The following GRID2 variants were observed in gnomAD, a reference collection of about 807,000 sequenced individuals.
GRID2 encodes glutamate receptor ionotropic, delta-2.
GRID2 carries 33 observed loss-of-function variants against 114.8 expected under a neutral mutation model. The observed-to-expected ratio is 0.29, with a 90% CI of 0.22 to 0.38. The LOEUF is 0.38. GRID2 is among the 10% of genes least tolerant of loss of function. GRID2 has a pLI of 1.00. For missense variants in GRID2, 1,184 were observed against 1,257.7 expected, an observed-to-expected ratio of 0.94 and a Z score of 0.89; for synonymous variants, 505 against 449.9, an observed-to-expected ratio of 1.12 and a Z score of -1.55.
chr4:92,383,006 C>A (rs980049515), intron 1 of GRID2, among the ~76,000 whole-genome samples: 1 of 151,942 alleles, frequency 6.6e-6, no homozygotes, highest in East Asian at 1.9e-4. Flanking sequence ...GAAACTTTTA[C>A]TCATGGAGGA....
intron 2 of GRID2, among the ~76,000 whole-genome samples, chr4:92,825,706 C>A (rs985508845): frequency 6.6e-6 from 1 of 152,098 alleles, no homozygotes; most frequent in Non-Finnish European, 1.5e-5. Context: ...CCGCCCCCAA[C>A]AGAAACCATG....
chr4:92,919,469 G>A (rs1204634690), intron 2 of GRID2, among the ~76,000 whole-genome samples: 1 of 152,106 alleles, frequency 6.6e-6, no homozygotes, highest in Non-Finnish European at 1.5e-5. Flanking sequence ...GATCTTTCCT[G>A]CTTTCTCTAG....
At position 92,966,526 on chromosome 4, in the gene GRID2, C is replaced by T. The variant is rs992471685; in HGVS notation, c.245-118469C>T. 5.9e-5 allele frequency among the ~76,000 whole-genome samples: 9 copies of T among 151,856 alleles called. No individual in the cohort carries two copies. In the South Asian group the frequency reaches 1.0e-3, roughly 17 times the overall value. ...TCACCTTGAATTGTAATAATCCCCA[C>T]GTGTCAAGGGCAGGGCCAGGTGGAA... On this transcript the variant is annotated intron_variant, in intron 2 of 15. Coordinates refer to ENST00000282020, the MANE Select transcript of GRID2 (RefSeq NM_001510.4).
At chr4:92,542,961 A>C (rs1430998399) in intron 1 of GRID2, among the ~76,000 whole-genome samples, 3 of 150,758 alleles carry the variant, frequency 2.0e-5, no homozygotes, top group Non-Finnish European at 4.4e-5. Context: ...TCAGCATTAT[A>C]GTTATATGTG....
At chr4:93,537,479 C>G (rs1732214115) in intron 13 of GRID2, among the ~76,000 whole-genome samples, 2 of 151,662 alleles carry the variant, frequency 1.3e-5, no homozygotes, top group African/African-American at 4.8e-5. Flanking sequence ...AAGAAAGGCA[C>G]AAATTAAGTT....
At chr4:92,343,864 G>C (rs1213349517) in intron 1 of GRID2, among the ~76,000 whole-genome samples, 1 of 152,176 alleles carries the variant, frequency 6.6e-6, no homozygotes, top group Admixed American at 6.5e-5. Flanking sequence ...GTGAGCCAGT[G>C]CTCCCAGCTA....
chr4:92,781,599 A>G (rs1739079789), intron 2 of GRID2, among the ~76,000 whole-genome samples: 2 of 152,040 alleles, frequency 1.3e-5, no homozygotes, highest in Admixed American at 6.6e-5. Flanking sequence ...TTAGTTTTCT[A>G]CCTTCATAAT....
chr4:92,799,387 A>G (rs1740044271), intron 2 of GRID2, among the ~76,000 whole-genome samples: 1 of 152,008 alleles, frequency 6.6e-6, no homozygotes, highest in African/African-American at 2.4e-5. Context: ...CAGGCCACAG[A>G]CTAATACCAG....
Position 93,740,215 on chromosome 4 carries a change from T to C in GRID2, c.2361-28995T>C, listed in dbSNP as rs547267808. Among the ~76,000 whole-genome samples the C allele has an allele frequency of 3.9e-5, 6 of 152,342 alleles. No individual in the cohort carries two copies. In the South Asian group the frequency reaches 1.2e-3, roughly 32 times the overall value. On this transcript the variant is annotated intron_variant, in intron 14 of 15. Transcript: ENST00000282020. The stretch of plus-strand genomic sequence containing the variant: ...CCTAGGAGCAATAGGCTACACTGTA[T>C]AGCCTATGTGTGTAGTAGTCTATAC...
chr4:92,550,821 A>G (rs901500949), intron 1 of GRID2, among the ~76,000 whole-genome samples: 4 of 152,216 alleles, frequency 2.6e-5, no homozygotes, highest in Admixed American at 1.3e-4. Flanking sequence ...TTAAGATAAT[A>G]TTAATGTGGA....
chr4:92,639,605 T>C (rs1731245080), intron 2 of GRID2, among the ~76,000 whole-genome samples: 1 of 151,684 alleles, frequency 6.6e-6, no homozygotes, highest in African/African-American at 2.4e-5. Flanking sequence ...CACATAGAGT[T>C]GTGATAACAA....
At chr4:92,465,130 T>C (rs1721686537) in intron 1 of GRID2, among the ~76,000 whole-genome samples, 1 of 152,048 alleles carries the variant, frequency 6.6e-6, no homozygotes, top group South Asian at 2.1e-4. Context: ...TCTTCATAAA[T>C]TACTCAGTTT....
chr4:92,464,370 A>G (rs1376653308), intron 1 of GRID2, among the ~76,000 whole-genome samples: 1 of 152,096 alleles, frequency 6.6e-6, no homozygotes, highest in Non-Finnish European at 1.5e-5. Flanking sequence ...CAGTTCAGTT[A>G]AAAGAAATAC....
chr4:92,353,954 G>T (rs994623404), intron 1 of GRID2, among the ~76,000 whole-genome samples: 1 of 151,884 alleles, frequency 6.6e-6, no homozygotes, highest in Non-Finnish European at 1.5e-5. Flanking sequence ...TTTGCCTCAG[G>T]CATCCGCAGA....
At chr4:93,737,616 T>G (rs1399230647) in intron 14 of GRID2, among the ~76,000 whole-genome samples, 3 of 152,098 alleles carry the variant, frequency 2.0e-5, no homozygotes, top group Admixed American at 6.6e-5. Context: ...AAACATTAAT[T>G]AAATATTTCA....
intron 1 of GRID2, among the ~76,000 whole-genome samples, chr4:92,534,486 G>A (rs80030961): frequency 0.024 from 3,636 of 152,222 alleles, 146 homozygotes; most frequent in African/African-American, 0.083. Flanking sequence ...GGGACAATTT[G>A]TGGTAGTCCT....
chr4:92,902,893 G>A (rs1348394908), intron 2 of GRID2, among the ~76,000 whole-genome samples: 2 of 151,826 alleles, frequency 1.3e-5, no homozygotes, highest in African/African-American at 4.8e-5. Context: ...ATTTTATTTA[G>A]TGGTTAACAC....
At chr4:92,798,418 A>C (rs938533160) in intron 2 of GRID2, among the ~76,000 whole-genome samples, 2 of 151,998 alleles carry the variant, frequency 1.3e-5, no homozygotes, top group Non-Finnish European at 2.9e-5. Flanking sequence ...TGTTGGTGTT[A>C]GTCAGTCAGG....
Position 93,376,176 on chromosome 4 carries a change from G to A in GRID2, c.1246-19431G>A, listed in dbSNP as rs114148069. Among the ~76,000 whole-genome samples, 786 of 152,188 alleles carry A rather than the reference G, an allele frequency of 5.2e-3. 4 individuals are homozygous for A. The highest frequency in any genetic ancestry group is 8.5e-3 in the Non-Finnish European group (581 of 68,002). The stretch of plus-strand genomic sequence containing the variant: ...ATTGTGAGGTACTGGGGGTTAGGGC[G>A]TCAACACCTAAATTTGGGGAAACAC... On this transcript the variant is annotated intron_variant, in intron 8 of 15. Transcript: ENST00000282020.
Sources: gnomAD v4.1 joint callset for allele counts (sites outside exome capture counted in the v4.1 genomes callset) on GRCh38, gnomAD v4.1.1 for gene constraint, MANE v1.5 for transcripts, NCBI Gene and HGNC (gene_info 2026-07-23, HGNC 2026-07-21) for gene names.